Variants in STING1 observed in about 807,000 individuals in gnomAD.
STING1 encodes the protein stimulator of interferon response cGAMP interactor 1, also known as stimulator of interferon genes protein.
A neutral mutation model predicts 31.6 loss-of-function variants in STING1; 19 were observed. That is an observed-to-expected ratio of 0.60 (90% CI 0.42 to 0.88). The LOEUF (loss-of-function observed/expected upper bound fraction) is 0.88, where lower values mean the gene tolerates loss of function less well. Ranked by LOEUF, STING1 falls within the 40% of genes least tolerant of loss-of-function variation. The pLI, the probability that STING1 is intolerant of heterozygous loss-of-function variation, is 0.00. For synonymous variants in STING1, 200 were observed against 208.6 expected (o/e 0.96, Z 0.35); for missense variants, 371 against 483.7 (o/e 0.77, Z 2.19).
Position 139,481,476 on chromosome 5 carries a change from AC to A in STING1, c.227+1del. On this transcript the variant is annotated splice_donor_variant, in intron 3 of 7. Coordinates refer to ENST00000330794, the MANE Select transcript of STING1 (RefSeq NM_198282.4). LOFTEE classifies it high-confidence loss of function. This position sits in a 1 kb window ranked among gnomAD's most constrained non-coding sequence, Gnocchi z 4.1. ...CCGTCCCTGGGTACTGCAGTGAGTC[AC>A]CTGGAGTGGATGTGGCGCAGCTCCT... The A allele has an allele frequency of 6.2e-7, 1 of 1,613,380 alleles. No individual in the cohort carries two copies. The highest frequency in any genetic ancestry group is 8.5e-7 in the Non-Finnish European group (1 of 1,179,648).
At position 139,482,622 on chromosome 5, in the gene STING1, C is replaced by T. The variant is rs1751894572; in HGVS notation, c.-166G>A. On this transcript the variant is annotated 5_prime_UTR_variant, in exon 1 of 8. Transcript: ENST00000330794. The stretch of plus-strand genomic sequence containing the variant: ...AAACACACTGTACCTAACACCTGAG[C>T]AGGACTCCACACACTCAGCCAAAGG... 1 of 152,330 alleles carries T rather than the reference C, an allele frequency of 6.6e-6. No homozygotes were observed. The highest frequency in any genetic ancestry group is 1.5e-5 in the Non-Finnish European group (1 of 68,108). The allele number at this position is 152,330 out of a possible 1,614,324, so 9.4% of individuals were successfully genotyped here.
chr5:139,480,776 A>G lies in STING1; in HGVS notation c.520+14T>C. The stretch of plus-strand genomic sequence containing the variant: ...TTTGTAGATCGAGAAATGGGGGCAG[A>G]GAGGATGGCCCACCTGGCAGGATCA... On this transcript the variant is annotated intron_variant, in intron 5 of 7. Transcript: ENST00000330794. The G allele has an allele frequency of 6.4e-7, 1 of 1,563,550 alleles. No homozygotes were observed. The highest frequency in any genetic ancestry group is 8.8e-7 in the Non-Finnish European group (1 of 1,133,930).
At position 139,481,779 on chromosome 5, in the gene STING1, C is replaced by T. The variant is rs186425823; in HGVS notation, c.1-75G>A. 9 of 1,258,724 alleles carry T rather than the reference C, an allele frequency of 7.2e-6. No homozygotes were observed. Among genetic ancestry groups the T allele is most frequent in the African/African-American group, 1.5e-5 (1 of 67,752 alleles). The allele number at this position is 1,258,724 out of a possible 1,614,324, so 78.0% of individuals were successfully genotyped here. A position where few individuals can be genotyped will look rare whatever the true frequency, so the allele number is the denominator to read the frequency against. On this transcript the variant is annotated intron_variant, in intron 2 of 7. Transcript: ENST00000330794. This position sits in a 1 kb window ranked among gnomAD's most constrained non-coding sequence, Gnocchi z 4.1. ...TTCTGGGACTGAGGCTCTGGCTGGG[C>T]ACTTCCTCCCAGTTCCCCTTTCCCT...
chr5:139,477,486 G>A lies in STING1; in HGVS notation c.789C>T (p.Thr263=). The A allele has an allele frequency of 6.2e-7, 1 of 1,614,106 alleles. No individual in the cohort carries two copies. The highest frequency in any genetic ancestry group is 1.1e-5 in the South Asian group (1 of 91,068). The change falls in exon 7 of 8, where the codon ACC becomes ACT. Residue 263 remains threonine, a synonymous_variant. Transcript: ENST00000330794. ...ACATGGCAAACAAAGTCTGCAAGGG[G>A]GTGGCGTACTCCAGGACACAGGTGC... ...RAGTCVLEYA[T]PLQTLFAMSQ... is the part of the protein sequence containing the mutation.
At chr5:139,480,284 C>T (rs540896417) in intron 5 of STING1, among the ~76,000 whole-genome samples, 18 of 152,072 alleles carry the variant, frequency 1.2e-4, no homozygotes, top group Non-Finnish European at 2.1e-4. Context: ...GCTGGGCTCA[C>T]GCCTGTAATC....
At chr5:139,480,023 A>G (rs1418784755) in intron 5 of STING1, among the ~76,000 whole-genome samples, 2 of 141,924 alleles carry the variant, frequency 1.4e-5, no homozygotes, top group African/African-American at 2.6e-5. Context: ...AAAAAAAAAA[A>G]ATCTAAAATA....
Position 139,481,294 on chromosome 5 carries a change from G to T in STING1, c.276C>A (p.Pro92=), listed in dbSNP as rs544170120. ...GCAGCAACAGGGCCCCACGGCGGAG[G>T]GGGCAGCCCAGGCAGGCCCGCACAG... The part of the protein sequence containing the change: ...WRTVRACLGC[P]LRRGALLLLS... The change falls in exon 4 of 8, where the codon CCC becomes CCA. Residue 92 remains proline, a synonymous_variant. Transcript: ENST00000330794. The surrounding 1 kb of genome is among the most constrained non-coding windows in gnomAD (Gnocchi z 4.1). 3.1e-6 allele frequency: 5 copies of T among 1,612,180 alleles called. No individual in the cohort carries two copies. Among genetic ancestry groups the T allele is most frequent in the Non-Finnish European group, 4.2e-6 (5 of 1,179,106 alleles).
In STING1 at chr5:139,481,673, G is replaced by GGGAT. The variant is rs752712530; in HGVS notation, c.28_31dup (p.Pro11HisfsTer59). 4.4e-6 allele frequency: 7 copies of GGGAT among 1,608,878 alleles called. No individual in the cohort carries two copies. The highest frequency in any genetic ancestry group is 6.0e-6 in the Non-Finnish European group (7 of 1,176,460). On this transcript the variant is annotated frameshift_variant, in exon 3 of 8. Coordinates refer to ENST00000330794, the MANE Select transcript of STING1 (RefSeq NM_198282.4). LOFTEE classifies it high-confidence loss of function. This position sits in a 1 kb window ranked among gnomAD's most constrained non-coding sequence, Gnocchi z 4.1. ...CTGGGCCCCGTGACCCCTGGGACAC[G>GGGAT]GGATGGATGGATGCAGGCTGGAGTG...
chr5:139,476,058 C>T lies in STING1; in HGVS notation c.*203G>A. On this transcript the variant is annotated 3_prime_UTR_variant, in exon 8 of 8. Coordinates refer to ENST00000330794, the MANE Select transcript of STING1 (RefSeq NM_198282.4). ...AGGCAGTGATTATGATCCCATTTCA[C>T]AGGTTGAAGACACCGAGGCTCAGAG... The T allele has an allele frequency of 3.7e-6, 2 of 541,728 alleles. No individual in the cohort carries two copies. Among genetic ancestry groups the T allele is most frequent in the Admixed American group, 6.1e-5 (2 of 32,760 alleles). The allele number at this position is 541,728 out of a possible 1,614,324, so 33.6% of individuals were successfully genotyped here.
chr5:139,478,780 G>C, intron 5 of STING1: 1 of 429,676 alleles, frequency 2.3e-6, no homozygotes, highest in Non-Finnish European at 4.3e-6. Flanking sequence ...TCAGGGCTGA[G>C]AGGCAGGCAG....
At chr5:139,477,761 T>G (rs1751707230) in intron 6 of STING1, among the ~76,000 whole-genome samples, 1 of 152,130 alleles carries the variant, frequency 6.6e-6, no homozygotes, top group Non-Finnish European at 1.5e-5. Context: ...CAGATCCTTC[T>G]TCCAAGATCC....
chr5:139,480,934 C>G, intron 4 of STING1, 36 bp from the exon 5 acceptor site: 1 of 1,501,948 alleles, frequency 6.7e-7, no homozygotes, highest in Non-Finnish European at 9.3e-7. Flanking sequence ...GGGCCTCCAT[C>G]AAGGACACCC....
Position 139,481,874 on chromosome 5 carries a change from C to A in STING1, c.1-170G>T. 1 of 604,514 alleles carries A rather than the reference C, an allele frequency of 1.7e-6. No homozygotes were observed. 37.4% of individuals were successfully genotyped at this position (604,514 alleles called of 1,614,324 possible). A position where few individuals can be genotyped will look rare whatever the true frequency, so the allele number is the denominator to read the frequency against. ...GAGGCAGGCTGGGAATAAGTCACCC[C>A]AAAGCTCCTGTCTCAGCGAGGTTTG... On this transcript the variant is annotated intron_variant, in intron 2 of 7. Transcript: ENST00000330794. The surrounding 1 kb of genome is among the most constrained non-coding windows in gnomAD (Gnocchi z 4.1).
chr5:139,477,432 C>T lies in STING1; in HGVS notation c.843G>A (p.Arg281=). 6.2e-7 allele frequency: 1 copy of T among 1,614,236 alleles called. No individual in the cohort carries two copies. Among genetic ancestry groups the T allele is most frequent in the Non-Finnish European group, 8.5e-7 (1 of 1,180,042 alleles). Reference sequence around the variant, plus strand: ...GTTTGGCCTGCTCAAGCCTATCCTCCCGGCTAAAGCCAGCTTGACTGTATT... The same window carrying T: ...GTTTGGCCTGCTCAAGCCTATCCTCTCGGCTAAAGCCAGCTTGACTGTATT... The part of the protein sequence containing the change: ...MSQYSQAGFS[R]EDRLEQAKLF... The change falls in exon 7 of 8, where the codon CGG becomes CGA. Residue 281 remains arginine (R), a synonymous_variant. Transcript: ENST00000330794.
chr5:139,481,374 C>T lies in STING1; in HGVS notation c.228-32G>A. 6.3e-7 allele frequency: 1 copy of T among 1,578,680 alleles called. No individual in the cohort carries two copies. The highest frequency in any genetic ancestry group is 1.3e-5 in the African/African-American group (1 of 74,662). ...GTGACAGCCAGACCCCAGACCCCAG[C>T]CCCCAGCCCAGCTCAGCCAGAGAGG... On this transcript the variant is annotated intron_variant, in intron 3 of 7. Transcript: ENST00000330794. The surrounding 1 kb of genome is among the most constrained non-coding windows in gnomAD (Gnocchi z 4.1).
In STING1 at chr5:139,476,304, CT is replaced by C. The variant is rs753764806; in HGVS notation, c.1096del (p.Ser366ValfsTer39). On this transcript the variant is annotated frameshift_variant, in exon 8 of 8. Transcript: ENST00000330794. LOFTEE classifies it high-confidence loss of function. ...GAGAGGGAGGGGCTTTTCCATTCCA[CT>C]GATGAGGAGCTCAGGCTCTTGGGAC... The part of the protein sequence containing the change: ...TMSQEPELLI[S>X]GMEKPLPLRT... 1 of 1,609,062 alleles carries C rather than the reference CT, an allele frequency of 6.2e-7. No individual in the cohort carries two copies. Among genetic ancestry groups the C allele is most frequent in the Non-Finnish European group, 8.5e-7 (1 of 1,178,284 alleles).
intron 5 of STING1, among the ~76,000 whole-genome samples, chr5:139,480,003 CAAAAAA>C (rs552338116): frequency 1.1e-5 from 1 of 89,014 alleles, no homozygotes. Flanking sequence ...GACTTTGTCT[CAAAAAA>C]AAAAAAAAAA....
chr5:139,479,233 AAACAACAACAACAAC>A (rs79292081), intron 5 of STING1: 3,294 of 147,468 alleles, frequency 0.022, 109 homozygotes, highest in African/African-American at 0.073. Flanking sequence ...CTTCATCTCA[AAACAACAACAACAAC>A]AACAACAACA....
intron 5 of STING1, chr5:139,478,906 C>T (rs1289082461): frequency 1.6e-5 from 3 of 192,232 alleles, no homozygotes; most frequent in Non-Finnish European, 3.3e-5. Flanking sequence ...GAAGAGCTGC[C>T]GCTTTAGCCT....
Sources: allele counts gnomAD v4.1 joint callset (sites outside exome capture counted in the v4.1 genomes callset), GRCh38; gene constraint gnomAD v4.1.1; non-coding constraint Gnocchi (gnomAD v3.1); transcripts MANE v1.5; gene names NCBI Gene and HGNC (gene_info 2026-07-23, HGNC 2026-07-21).